Variants in TBCK observed in about 807,000 individuals in gnomAD.
TBCK encodes the protein TBC domain-containing protein kinase-like protein.
TBCK carries 99 observed loss-of-function variants against 113.4 expected under a neutral mutation model. The ratio of observed to expected loss-of-function variants is 0.87; its 90% confidence interval spans 0.74 to 1.03. The LOEUF (loss-of-function observed/expected upper bound fraction) is 1.03. TBCK is among the 50% of genes least tolerant of loss of function. The probability of loss-of-function intolerance (pLI) is 0.00; values close to 1 mark genes in which losing one functional copy is unlikely to be tolerated. For synonymous variants in TBCK, 369 were observed against 370.8 expected (o/e 1.00, Z 0.05); for missense variants, 1,045 against 1,061.3 (o/e 0.98, Z 0.21).
chr4:106,071,949 G>T (rs1361952486), intron 25 of TBCK, among the ~76,000 whole-genome samples: 3 of 151,998 alleles, frequency 2.0e-5, no homozygotes, highest in Non-Finnish European at 4.4e-5. Context: ...CCATTTGCTT[G>T]GTAGATCTTC....
intron 22 of TBCK, among the ~76,000 whole-genome samples, chr4:106,179,120 T>C (rs1460357987): frequency 2.0e-5 from 3 of 152,072 alleles, no homozygotes; most frequent in Non-Finnish European, 4.4e-5. Context: ...TAAGATTTTA[T>C]TTATTTGGGC....
intron 19 of TBCK, among the ~76,000 whole-genome samples, chr4:106,214,182 A>G: frequency 6.6e-6 from 1 of 152,174 alleles, no homozygotes; most frequent in Non-Finnish European, 1.5e-5. Context: ...GAAAACTAAC[A>G]AACAGAAAGG....
intron 1 of TBCK, among the ~76,000 whole-genome samples, chr4:106,310,993 C>T (rs1768141656): frequency 6.6e-6 from 1 of 151,884 alleles, no homozygotes. Context: ...AGATAAACAA[C>T]CTCATGAATA....
chr4:106,290,041 A>G (rs1233366750), intron 3 of TBCK, among the ~76,000 whole-genome samples: 1 of 152,188 alleles, frequency 6.6e-6, no homozygotes, highest in East Asian at 1.9e-4. Context: ...AGGCTCAACT[A>G]AAATATTTTT....
chr4:106,167,283 T>C (rs1392660400), intron 23 of TBCK, among the ~76,000 whole-genome samples: 1 of 150,048 alleles, frequency 6.7e-6, no homozygotes, highest in African/African-American at 2.4e-5. Flanking sequence ...CCAACATACT[T>C]AGACACGAAA....
chr4:106,150,949 G>A (rs1748409375), intron 23 of TBCK, among the ~76,000 whole-genome samples: 1 of 151,974 alleles, frequency 6.6e-6, no homozygotes, highest in South Asian at 2.1e-4. Context: ...CCAATGATAA[G>A]AACAGTCCTT....
intron 19 of TBCK, among the ~76,000 whole-genome samples, chr4:106,220,531 A>C (rs1757556667): frequency 7.0e-6 from 1 of 143,302 alleles, no homozygotes; most frequent in Admixed American, 7.2e-5. Context: ...GCTTCAGGGC[A>C]AAAAGAAAAA....
At chr4:106,282,017 A>G (rs1764646807) in intron 3 of TBCK, among the ~76,000 whole-genome samples, 2 of 152,148 alleles carry the variant, frequency 1.3e-5, no homozygotes, top group African/African-American at 4.8e-5. Context: ...GAATTCAGCT[A>G]TAAAGTCCTC....
At chr4:106,078,409 AAAG>A (rs745905741) in intron 25 of TBCK, among the ~76,000 whole-genome samples, 2 of 152,200 alleles carry the variant, frequency 1.3e-5, no homozygotes, top group Middle Eastern at 3.2e-3. Context: ...AATAAAGAAA[AAAG>A]AAGATCCAAA....
chr4:106,212,354 A>G (rs1277142128), intron 20 of TBCK, among the ~76,000 whole-genome samples: 1 of 152,174 alleles, frequency 6.6e-6, no homozygotes, highest in Non-Finnish European at 1.5e-5. Context: ...CTACAGAGAA[A>G]AGAAAACCCA....
Position 106,238,431 on chromosome 4 carries a change from TAGAG to T in TBCK, c.1171-1627_1171-1624del, listed in dbSNP as rs1313841124. Among the ~76,000 whole-genome samples the T allele has an allele frequency of 2.6e-5, 4 of 152,080 alleles. No individual in the cohort carries two copies. The East Asian group carries it at 7.7e-4, about 29-fold the overall frequency. ...GTGATAACAGATATAAAACCAGGCC[TAGAG>T]AGAAAGTAGTTAATAACTGTGGTCT... On this transcript the variant is annotated intron_variant, in intron 12 of 25. Transcript: ENST00000394708.
At chr4:106,304,204 T>C (rs1490043635) in intron 2 of TBCK, among the ~76,000 whole-genome samples, 1 of 152,126 alleles carries the variant, frequency 6.6e-6, no homozygotes, top group African/African-American at 2.4e-5. Flanking sequence ...TTATGATAAA[T>C]AAAGCTCTCC....
chr4:106,244,825 C>T (rs1760586833), intron 10 of TBCK, 61 bp from the exon 11 acceptor site: 1 of 1,056,404 alleles, frequency 9.5e-7, no homozygotes. Context: ...TAAACGTCAA[C>T]AGGCAGTAAT....
intron 22 of TBCK, chr4:106,182,346 T>C (rs1168323567): frequency 1.3e-5 from 2 of 152,182 alleles, no homozygotes; most frequent in Admixed American, 6.6e-5. Flanking sequence ...TCTTCCTATA[T>C]GAATACCCTT....
intron 12 of TBCK, among the ~76,000 whole-genome samples, chr4:106,239,696 A>G (rs1227604805): frequency 6.6e-6 from 1 of 152,016 alleles, no homozygotes; most frequent in African/African-American, 2.4e-5. Flanking sequence ...AAAATAAACA[A>G]CCTGAGTAAA....
chr4:106,239,160 A>G (rs1023443308), intron 12 of TBCK, among the ~76,000 whole-genome samples: 12 of 152,082 alleles, frequency 7.9e-5, no homozygotes, highest in Admixed American at 5.2e-4. Flanking sequence ...CAACTTGGGA[A>G]GGAAATATTC....
chr4:106,043,788 C>A lies in TBCK; in HGVS notation c.*2782G>T, dbSNP rs17036535. On this transcript the variant is annotated 3_prime_UTR_variant, in exon 26 of 26. Coordinates refer to ENST00000394708, the MANE Select transcript of TBCK (RefSeq NM_001163435.3). ...ATATCTGTGTGGGCTGGTGGTGGTA[C>A]TTATGGCATTCCAGGTAAAGCCAGA... The A allele has an allele frequency of 0.076, 11,595 of 151,646 alleles. 512 individuals carry two copies. The highest frequency in any genetic ancestry group is 0.18 in the Middle Eastern group (53 of 294). 9.4% of individuals were successfully genotyped at this position (151,646 alleles called of 1,614,324 possible).
At chr4:106,264,435 C>A (rs1046019451) in intron 3 of TBCK, among the ~76,000 whole-genome samples, 32 of 151,824 alleles carry the variant, frequency 2.1e-4, no homozygotes, top group Admixed American at 1.9e-3. Flanking sequence ...GTATTCAGTG[C>A]GTGCAGTAGA....
intron 24 of TBCK, among the ~76,000 whole-genome samples, chr4:106,109,307 G>A (rs541578595): frequency 2.0e-5 from 3 of 152,108 alleles, no homozygotes; most frequent in South Asian, 2.1e-4. Flanking sequence ...AAAAGGGCCC[G>A]AATATCCAAG....
Sources: gnomAD v4.1 joint callset for allele counts (sites outside exome capture counted in the v4.1 genomes callset) on GRCh38, gnomAD v4.1.1 for gene constraint, MANE v1.5 for transcripts, NCBI Gene and HGNC (gene_info 2026-07-23, HGNC 2026-07-21) for gene names.